Variants in FAM53A observed in about 807,000 individuals in gnomAD.
The protein encoded by FAM53A is family with sequence similarity 53 member A.
FAM53A carries 28 observed loss-of-function variants against 26.6 expected under a neutral mutation model. The ratio of observed to expected loss-of-function variants is 1.05; its 90% CI spans 0.78 to 1.45. The LOEUF is 1.45. Ranked by LOEUF, FAM53A falls within the 40% of genes most tolerant of loss-of-function variation. The pLI is 0.00. For synonymous variants in FAM53A, 290 were observed against 253.1 expected (o/e 1.15, Z -1.38); for missense variants, 650 against 575.8 (o/e 1.13, Z -1.32).
the FAM53A span, among the ~76,000 whole-genome samples, chr4:1,592,790 G>T: frequency 2.6e-5 from 4 of 152,156 alleles, no homozygotes; most frequent in African/African-American, 4.8e-5. Flanking sequence ...TGCCCACAGG[G>T]AGGAGAGGCG....
intron 2 of FAM53A, among the ~76,000 whole-genome samples, chr4:1,662,555 G>A (rs60782055): frequency 7.3e-4 from 110 of 150,372 alleles, no homozygotes; most frequent in African/African-American, 2.5e-3. Flanking sequence ...AAGGCTGAGG[G>A]AGGAGGATCA....
chr4:1,655,342 G>T lies in FAM53A; in HGVS notation c.518C>A (p.Ala173Asp). Residue 173 changes from alanine (A) to aspartate (D), a missense_variant, in exon 4 of 5, where the codon GCT becomes GAT. Transcript: ENST00000308132. ...GSPGAVLPRS[A>D]VWSTGPTSPA... ...CGAGGTGGGACCGGTCGACCACACA[G>T]CACTCCTCGGCAGGACGGCGCCGGG... 1 of 1,433,438 alleles carries T rather than the reference G, an allele frequency of 7.0e-7. No homozygotes were observed. The highest frequency in any genetic ancestry group is 9.1e-7 in the Non-Finnish European group (1 of 1,097,112). The allele number at this position is 1,433,438 out of a possible 1,614,324, so 88.8% of individuals were successfully genotyped here. A position where few individuals can be genotyped will look rare whatever the true frequency, so the allele number is the denominator to read the frequency against.
chr4:1,593,837 A>G, the FAM53A span, among the ~76,000 whole-genome samples: 1 of 152,154 alleles, frequency 6.6e-6, no homozygotes, highest in Non-Finnish European at 1.5e-5. Context: ...GTATTGATCA[A>G]ATTAACAGTT....
chr4:1,672,981 G>T lies in FAM53A; in HGVS notation c.-164-4076C>A, dbSNP rs976456022. Among the ~76,000 whole-genome samples the T allele has an allele frequency of 2.6e-5, 4 of 152,212 alleles. No individual in the cohort carries two copies. The South Asian group carries it at 8.3e-4, about 32-fold the overall frequency. ...GACAGCATTTCGCCATGTTGGCCAGGCTGGTCTCAAACTCCTGACCTCAGG... is the reference window on the plus strand; with the variant it reads ...GACAGCATTTCGCCATGTTGGCCAGTCTGGTCTCAAACTCCTGACCTCAGG... On this transcript the variant is annotated intron_variant, in intron 1 of 4. Coordinates refer to ENST00000308132, the MANE Select transcript of FAM53A (RefSeq NM_001174070.3).
At chr4:1,622,812 C>T (rs1354338296) in intron 1 of FAM53A, among the ~76,000 whole-genome samples, 1 of 152,212 alleles carries the variant, frequency 6.6e-6, no homozygotes, top group East Asian at 1.9e-4. Flanking sequence ...CCTGAAGCCC[C>T]CACCAGGCCT....
intron 4 of FAM53A, among the ~76,000 whole-genome samples, chr4:1,645,873 A>C (rs7694866): frequency 0.39 from 59,935 of 151,956 alleles, 12,897 homozygotes; most frequent in African/African-American, 0.56. Flanking sequence ...TTGAACGTAT[A>C]CCTCCAAATC....
intron 1 of FAM53A, among the ~76,000 whole-genome samples, chr4:1,669,271 C>T (rs1247783404): frequency 6.6e-6 from 1 of 152,242 alleles, no homozygotes; most frequent in Non-Finnish European, 1.5e-5. Context: ...CACAGAAACT[C>T]TGACTACCCA....
Position 1,655,146 on chromosome 4 carries a change from C to A in FAM53A, c.714G>T (p.Trp238Cys). 6.3e-7 allele frequency: 1 copy of A among 1,585,844 alleles called. No homozygotes were observed. The highest frequency in any genetic ancestry group is 8.6e-7 in the Non-Finnish European group (1 of 1,168,734). The change falls in exon 4 of 5, where the codon TGG (tryptophan) becomes TGT (cysteine). Residue 238 changes from tryptophan (W) to cysteine (C), a missense_variant. By Grantham distance (215) the Trp-to-Cys change is radical (BLOSUM62 -2). Transcript: ENST00000308132. ...GCGTGGACGTGGGGCTGCTGCTGGC[C>A]CAGGGCAGGGGAGTGCCCGCACCCG... is the stretch of plus-strand genomic sequence containing the variant. Reference protein sequence around the residue: ...RLAGAGTPLPWASSSPTSTPA... With the variant: ...RLAGAGTPLPCASSSPTSTPA...
chr4:1,672,855 C>T (rs894054234), intron 1 of FAM53A, among the ~76,000 whole-genome samples: 30 of 146,570 alleles, frequency 2.0e-4, no homozygotes, highest in African/African-American at 7.1e-4. Flanking sequence ...CTGCAACCTC[C>T]GCCTCCCGGG....
the FAM53A span, among the ~76,000 whole-genome samples, chr4:1,575,880 C>A: frequency 6.6e-6 from 1 of 152,154 alleles, no homozygotes; most frequent in Admixed American, 6.5e-5. Flanking sequence ...GGACAGTCCA[C>A]TGAGCCTGGG....
chr4:1,575,843 AG>A, the FAM53A span, among the ~76,000 whole-genome samples: 1 of 152,138 alleles, frequency 6.6e-6, no homozygotes, highest in Admixed American at 6.5e-5. Flanking sequence ...GGGAAGGGAG[AG>A]GGCCACCCTG....
chr4:1,617,784 T>G, downstream of FAM53A: 1 of 323,426 alleles, frequency 3.1e-6, no homozygotes, highest in Non-Finnish European at 6.1e-6. Context: ...TCTCACTGGG[T>G]ATAGCATTCT....
the FAM53A span, among the ~76,000 whole-genome samples, chr4:1,607,728 G>A: frequency 6.6e-6 from 1 of 152,160 alleles, no homozygotes; most frequent in African/African-American, 2.4e-5. Context: ...ATCACCTGAG[G>A]TCGGGAGTTG....
chr4:1,591,972 G>A, the FAM53A span, among the ~76,000 whole-genome samples: 1 of 152,216 alleles, frequency 6.6e-6, no homozygotes, highest in Admixed American at 6.5e-5. Context: ...TGAAACGGGA[G>A]AGTGGATATT....
intron 1 of FAM53A, among the ~76,000 whole-genome samples, chr4:1,674,322 G>C (rs1196236578): frequency 2.0e-5 from 3 of 152,152 alleles, no homozygotes; most frequent in African/African-American, 7.2e-5. Context: ...GGACACCAAT[G>C]ATTGGGTTAG....
rs1715587105 is a variant in FAM53A, at chr4:1,630,938, G to C, written c.432-12827C>G. Among the ~76,000 whole-genome samples, 1 of 152,204 alleles carries C rather than the reference G, an allele frequency of 6.6e-6. No homozygotes were observed. The stretch of plus-strand genomic sequence containing the variant: ...CGCGCCTGCAGTCCCAGCACTTTGG[G>C]AGGGTGAGGCAGGAGGACTGTTTGA... On this transcript the variant is annotated intron_variant, in intron 1 of 1. Coordinates refer to the FAM53A transcript ENST00000489029. The surrounding 1 kb of genome is among the most constrained non-coding windows in gnomAD (Gnocchi z 4.3).
At chr4:1,589,269 G>A in the FAM53A span, among the ~76,000 whole-genome samples, 2 of 152,134 alleles carry the variant, frequency 1.3e-5, no homozygotes, top group African/African-American at 2.4e-5. Flanking sequence ...GTCCATTCAC[G>A]AGGTAAATCA....
At chr4:1,677,048 A>G (rs1304607894) in intron 1 of FAM53A, among the ~76,000 whole-genome samples, 1 of 152,134 alleles carries the variant, frequency 6.6e-6, no homozygotes, top group Non-Finnish European at 1.5e-5. Context: ...CCTTGTGCTC[A>G]GCACTGGCGG....
At chr4:1,669,785 G>A (rs1428789306) in intron 1 of FAM53A, among the ~76,000 whole-genome samples, 1 of 152,168 alleles carries the variant, frequency 6.6e-6, no homozygotes, top group East Asian at 1.9e-4. Flanking sequence ...GAGTGATACG[G>A]CACCTCCATG....
Sources: gnomAD v4.1 joint callset for allele counts (sites outside exome capture counted in the v4.1 genomes callset) on GRCh38, gnomAD v4.1.1 for gene constraint, Gnocchi (gnomAD v3.1) non-coding constraint, MANE v1.5 for transcripts, NCBI Gene and HGNC (gene_info 2026-07-23, HGNC 2026-07-21) for gene names.